Variants in LLGL1 observed in about 807,000 individuals in gnomAD.
LLGL1 encodes LLGL scribble cell polarity complex component 1.
LLGL1 carries 58 observed loss-of-function variants against 110.6 expected under a neutral mutation model. That is an observed-to-expected ratio of 0.52 (90% CI 0.42 to 0.65). LLGL1 has a LOEUF of 0.65. Among genes scored for constraint, LLGL1 ranks in the 30% least tolerant of loss-of-function variants. The probability of loss-of-function intolerance (pLI) is 0.00; values close to 1 mark genes in which losing one functional copy is unlikely to be tolerated. For synonymous variants in LLGL1, 674 were observed against 607.2 expected, an observed-to-expected ratio of 1.11 and a Z score of -1.62; for missense variants, 1,229 against 1,462.1, an observed-to-expected ratio of 0.84 and a Z score of 2.60.
rs1375522522 is a variant in LLGL1, at chr17:18,244,360, G to T, written c.*454G>T. On this transcript the variant is annotated 3_prime_UTR_variant, in exon 23 of 23. Transcript: ENST00000316843. Reference sequence around the variant, plus strand: ...GGGTTCCCGCCATTCTTCTGCCTCAGCCTCCCAAGTAGCTGGGACTACAGG... The same window carrying T: ...GGGTTCCCGCCATTCTTCTGCCTCATCCTCCCAAGTAGCTGGGACTACAGG... 6.6e-6 allele frequency: 1 copy of T among 151,554 alleles called. No individual in the cohort carries two copies. The highest frequency in any genetic ancestry group is 1.5e-5 in the Non-Finnish European group (1 of 68,032). The allele number at this position is 151,554 out of a possible 1,614,324, so 9.4% of individuals were successfully genotyped here.
chr17:18,238,147 A>C lies in LLGL1; in HGVS notation c.1985A>C (p.Gln662Pro). Reference sequence around the variant, plus strand: ...AAGTCTCTCAAGAAGTCACTGCGCCAGTCTTTCCGGCGCATTCGCAAGAGT... The same window carrying C: ...AAGTCTCTCAAGAAGTCACTGCGCCCGTCTTTCCGGCGCATTCGCAAGAGT... Reference protein sequence around the residue: ...RVKSLKKSLRQSFRRIRKSRV... With the variant: ...RVKSLKKSLRPSFRRIRKSRV... The change falls in exon 15 of 23, where the codon CAG becomes CCG. Residue 662 changes from glutamine (Q) to proline (P), a missense_variant. Gln to Pro is a moderately conservative substitution (Grantham distance 76). Transcript: ENST00000316843. The C allele has an allele frequency of 6.2e-7, 1 of 1,613,762 alleles. No individual in the cohort carries two copies. Among genetic ancestry groups the C allele is most frequent in the East Asian group, 2.2e-5 (1 of 44,880 alleles).
At position 18,235,324 on chromosome 17, in the gene LLGL1, G is replaced by GAA. The variant is rs763650524; in HGVS notation, c.1284+13_1284+14insAA. On this transcript the variant is annotated intron_variant, in intron 10 of 22. Transcript: ENST00000316843. ...TCTCCAGTGCCTTGGTGTGTGCGGC[G>GAA]ATCAGGGGGGTCTTACAGGGTGGAG... is the stretch of plus-strand genomic sequence containing the variant. 6.8e-6 allele frequency: 11 copies of GAA among 1,609,140 alleles called. No homozygotes were observed. The highest frequency in any genetic ancestry group is 8.5e-6 in the Non-Finnish European group (10 of 1,179,010).
chr17:18,235,061 C>T (rs1169941588), intron 9 of LLGL1, 28 bp from the exon 10 acceptor site: 2 of 1,613,690 alleles, frequency 1.2e-6, no homozygotes, highest in Admixed American at 1.7e-5. Context: ...TATGGCTGTG[C>T]TCACCCCATA....
rs2142762422 is a variant in LLGL1 at position 18,244,831 on chromosome 17, A to G, written c.*925A>G. ...TTAGCGCCATTTTAATATTAAAAATACTGATTTTTAATATTGAAAATAAAA... is the reference window on the plus strand; with the variant it reads ...TTAGCGCCATTTTAATATTAAAAATGCTGATTTTTAATATTGAAAATAAAA... On this transcript the variant is annotated 3_prime_UTR_variant, in exon 23 of 23. Coordinates refer to ENST00000316843, the MANE Select transcript of LLGL1 (RefSeq NM_004140.4). 1 of 388,050 alleles carries G rather than the reference A, an allele frequency of 2.6e-6. No homozygotes were observed. Among genetic ancestry groups the G allele is most frequent in the Non-Finnish European group, 4.6e-6 (1 of 219,730 alleles). The allele number at this position is 388,050 out of a possible 1,614,324, so 24.0% of individuals were successfully genotyped here.
Position 18,229,571 on chromosome 17 carries a change from G to A in LLGL1, c.82-370G>A, listed in dbSNP as rs770778735. On this transcript the variant is annotated intron_variant, in intron 1 of 22. Transcript: ENST00000316843. ...CAGAGCCCTTCATGGAGCAGGTGGG[G>A]CCTCATCAGTGCCTGCACCTCTGTG... Among the ~76,000 whole-genome samples the A allele has an allele frequency of 2.4e-4, 37 of 152,282 alleles. 1 individual carries two copies. Among genetic ancestry groups the A allele is most frequent in the East Asian group, 5.8e-4 (3 of 5,182 alleles).
intron 1 of LLGL1, among the ~76,000 whole-genome samples, chr17:18,226,403 G>A (rs1023344402): frequency 9.9e-5 from 15 of 152,170 alleles, no homozygotes; most frequent in Admixed American, 4.6e-4. Context: ...CACCCAGGAG[G>A]GTGAGAGAGT....
In LLGL1 at chr17:18,242,263, C is replaced by G. The variant is rs2047856524; in HGVS notation, c.2980C>G (p.His994Asp). 2 of 1,613,908 alleles carry G rather than the reference C, an allele frequency of 1.2e-6. No individual in the cohort carries two copies. Among genetic ancestry groups the G allele is most frequent in the Middle Eastern group, 1.7e-4 (1 of 6,060 alleles). The change falls in exon 20 of 23, where the codon CAC (histidine) becomes GAC (aspartate). Residue 994 changes from histidine to aspartate, a missense_variant. By Grantham distance (81) the His-to-Asp change is moderately conservative. Coordinates refer to ENST00000316843, the MANE Select transcript of LLGL1 (RefSeq NM_004140.4). ...QSLDGSPDPA[H>D]SMGPDTPEPP... ...CCTTGATGGAAGCCCTGATCCAGCC[C>G]ACAGCATGGGACCTGGTGAGGGGGG...
At chr17:18,227,421 A>C (rs1429721758) in intron 1 of LLGL1, among the ~76,000 whole-genome samples, 7 of 149,754 alleles carry the variant, frequency 4.7e-5, no homozygotes, top group East Asian at 2.0e-4. Flanking sequence ...ATGGGGTCTC[A>C]CTCTCACCCA....
intron 1 of LLGL1, among the ~76,000 whole-genome samples, chr17:18,229,684 A>T (rs1326008352): frequency 1.3e-5 from 2 of 152,174 alleles, no homozygotes; most frequent in Admixed American, 1.3e-4. Flanking sequence ...GGGGCTTGGC[A>T]AAGGGCGGGC....
chr17:18,239,548 C>T (rs545316819), intron 16 of LLGL1, among the ~76,000 whole-genome samples: 2 of 152,230 alleles, frequency 1.3e-5, no homozygotes, highest in East Asian at 3.9e-4. Flanking sequence ...AACCCAGATA[C>T]AAGTACTTCA....
intron 2 of LLGL1, among the ~76,000 whole-genome samples, chr17:18,230,887 T>C (rs994688798): frequency 1.3e-5 from 2 of 152,160 alleles, no homozygotes; most frequent in Non-Finnish European, 2.9e-5. Flanking sequence ...TTGTGAGCTC[T>C]TTGCCTACTC....
chr17:18,240,598 A>C lies in LLGL1; in HGVS notation c.2227A>C (p.Met743Leu). The part of the protein sequence containing the change: ...LRDGAHHGPT[M>L]WAGTNSGSVF... ...TGCAGGGGCCCACCACGGGCCCACC[A>C]TGTGGGCTGGCACCAACTCAGGCTC... is the stretch of plus-strand genomic sequence containing the variant. Residue 743 changes from methionine (M) to leucine (L), a missense_variant, in exon 17 of 23, where the codon ATG becomes CTG. Coordinates refer to ENST00000316843, the MANE Select transcript of LLGL1 (RefSeq NM_004140.4). The surrounding 1 kb of genome is among the most constrained non-coding windows in gnomAD (Gnocchi z 5.3). 1 of 1,601,166 alleles carries C rather than the reference A, an allele frequency of 6.2e-7. No individual in the cohort carries two copies. The highest frequency in any genetic ancestry group is 8.5e-7 in the Non-Finnish European group (1 of 1,171,096).
chr17:18,229,854 G>A, intron 1 of LLGL1, 87 bp from the exon 2 acceptor site: 1 of 855,988 alleles, frequency 1.2e-6, no homozygotes, highest in Non-Finnish European at 1.8e-6. Flanking sequence ...TGCAGACCCT[G>A]GAGGCTGCCT....
At chr17:18,227,935 A>AGAC (rs1327753235) in intron 1 of LLGL1, among the ~76,000 whole-genome samples, 4 of 152,118 alleles carry the variant, frequency 2.6e-5, no homozygotes, top group Non-Finnish European at 5.9e-5. Flanking sequence ...AGGGGGTGGG[A>AGAC]GACAGGTCAG....
intron 1 of LLGL1, among the ~76,000 whole-genome samples, chr17:18,227,167 C>G (rs2047462769): frequency 6.6e-6 from 1 of 152,156 alleles, no homozygotes; most frequent in South Asian, 2.1e-4. Context: ...ACTGGGATGT[C>G]TCAGGGTTTC....
chr17:18,228,838 A>G (rs2047508166), intron 1 of LLGL1, among the ~76,000 whole-genome samples: 1 of 152,012 alleles, frequency 6.6e-6, no homozygotes, highest in South Asian at 2.1e-4. Context: ...TGAAGCTTGG[A>G]GAGTACTGAG....
At chr17:18,241,260 C>T in intron 17 of LLGL1, 191 bp from the exon 18 acceptor site, 2 of 664,252 alleles carry the variant, frequency 3.0e-6, no homozygotes, top group Non-Finnish European at 2.5e-6. Flanking sequence ...CGAGAGAGGG[C>T]CTGGGAGGTT....
At chr17:18,229,098 G>T (rs1369316132) in intron 1 of LLGL1, among the ~76,000 whole-genome samples, 1 of 152,188 alleles carries the variant, frequency 6.6e-6, no homozygotes, top group African/African-American at 2.4e-5. Context: ...GCCCACGTGG[G>T]TGTCCTGCAC....
chr17:18,230,474 C>T (rs3889544), intron 2 of LLGL1, among the ~76,000 whole-genome samples: 117,519 of 151,874 alleles, frequency 0.77, 45,654 homozygotes, highest in African/African-American at 0.83. Context: ...GGCCTGGGGG[C>T]AGTGCCAGGC....
Sources: allele counts gnomAD v4.1 joint callset (sites outside exome capture counted in the v4.1 genomes callset), GRCh38; gene constraint gnomAD v4.1.1; non-coding constraint Gnocchi (gnomAD v3.1); transcripts MANE v1.5; gene names NCBI Gene and HGNC (gene_info 2026-07-23, HGNC 2026-07-21).